SPOCK1: variants seen among roughly 807,000 people sequenced by gnomAD.
SPOCK1 encodes SPARC (osteonectin), cwcv and kazal like domains proteoglycan 1.
In SPOCK1, 23 loss-of-function variants were observed where a neutral mutation model predicts 55.3. The ratio of observed to expected loss-of-function variants is 0.42; its 90% CI spans 0.30 to 0.59. SPOCK1 has a LOEUF of 0.59. Among genes scored for constraint, SPOCK1 ranks in the 20% least tolerant of loss-of-function variants. The probability of loss-of-function intolerance (pLI) is 0.22; values close to 1 mark genes in which losing one functional copy is unlikely to be tolerated. For missense variants in SPOCK1, 499 were observed against 552.5 expected (o/e 0.90, Z 0.97); for synonymous variants, 226 against 221.0 (o/e 1.02, Z -0.20).
At chr5:137,015,978 C>T (rs1352798538) in intron 6 of SPOCK1, among the ~76,000 whole-genome samples, 6 of 152,244 alleles carry the variant, frequency 3.9e-5, no homozygotes, top group Middle Eastern at 3.4e-3. Flanking sequence ...AGAAATCATT[C>T]CATATTGTGG....
chr5:137,296,276 A>C (rs1479183234), intron 2 of SPOCK1, among the ~76,000 whole-genome samples: 1 of 152,190 alleles, frequency 6.6e-6, no homozygotes, highest in Non-Finnish European at 1.5e-5. Flanking sequence ...ACTAAGTCAG[A>C]AGCTGAGGAA....
At chr5:137,366,467 C>T (rs767549171) in intron 2 of SPOCK1, among the ~76,000 whole-genome samples, 2 of 152,124 alleles carry the variant, frequency 1.3e-5, no homozygotes, top group Non-Finnish European at 2.9e-5. Context: ...GACAAACTTG[C>T]CTGTGACCAC....
chr5:137,327,244 T>G (rs2127149675), intron 2 of SPOCK1, among the ~76,000 whole-genome samples: 1 of 152,314 alleles, frequency 6.6e-6, no homozygotes, highest in Non-Finnish European at 1.5e-5. Flanking sequence ...CCTAAAATGC[T>G]GCCTTCCCCA....
chr5:137,338,924 A>C (rs1750352140), intron 2 of SPOCK1, among the ~76,000 whole-genome samples: 1 of 152,188 alleles, frequency 6.6e-6, no homozygotes, highest in Non-Finnish European at 1.5e-5. Flanking sequence ...AGGAATGTGC[A>C]TCAAAGGGAC....
chr5:137,460,131 T>G (rs1286979155), intron 2 of SPOCK1, among the ~76,000 whole-genome samples: 1 of 152,180 alleles, frequency 6.6e-6, no homozygotes, highest in African/African-American at 2.4e-5. Flanking sequence ...AATTAGTTTT[T>G]AAAGCATCTG....
chr5:137,198,102 T>G (rs1382173960), intron 3 of SPOCK1, among the ~76,000 whole-genome samples: 1 of 152,246 alleles, frequency 6.6e-6, no homozygotes, highest in African/African-American at 2.4e-5. Context: ...TTTGTCATAT[T>G]CTGACCTTTT....
At chr5:136,984,340 G>A (rs1750797554) in intron 9 of SPOCK1, among the ~76,000 whole-genome samples, 1 of 152,096 alleles carries the variant, frequency 6.6e-6, no homozygotes, top group African/African-American at 2.4e-5. Context: ...CTTCTGAAAT[G>A]GCAGGCTGCT....
chr5:137,212,086 T>C (rs1755628789), intron 3 of SPOCK1, among the ~76,000 whole-genome samples: 1 of 152,216 alleles, frequency 6.6e-6, no homozygotes, highest in Non-Finnish European at 1.5e-5. Context: ...CTGGGGCTTA[T>C]GACTGGCATC....
chr5:137,251,717 T>C (rs766275360), intron 3 of SPOCK1, among the ~76,000 whole-genome samples: 3 of 152,208 alleles, frequency 2.0e-5, no homozygotes, highest in South Asian at 2.1e-4. Context: ...GATGCCTGCA[T>C]GAGAGAGCTC....
intron 3 of SPOCK1, among the ~76,000 whole-genome samples, chr5:137,199,190 G>C (rs1275917431): frequency 6.6e-6 from 1 of 152,174 alleles, no homozygotes; most frequent in African/African-American, 2.4e-5. Flanking sequence ...ACAGGGTGCT[G>C]CCACCTTATT....
chr5:137,132,064 A>G (rs1753896427), intron 4 of SPOCK1, among the ~76,000 whole-genome samples: 2 of 133,228 alleles, frequency 1.5e-5, no homozygotes, highest in Non-Finnish European at 1.6e-5. Context: ...AGTCCCAGCT[A>G]CTCAGGAGGC....
rs376100327 is a variant in SPOCK1 at position 137,222,470 on chromosome 5, C to A, written c.232+44540G>T. On this transcript the variant is annotated intron_variant, in intron 3 of 10. Coordinates refer to ENST00000394945, the MANE Select transcript of SPOCK1 (RefSeq NM_004598.4). ...TAATTATCTATAGGTTTAAATAAGA[C>A]CCTCAATTAAAGCATTACCTCTCCT... 6.6e-5 allele frequency among the ~76,000 whole-genome samples: 10 copies of A among 152,256 alleles called. No homozygotes were observed. In the East Asian group the frequency reaches 1.4e-3, roughly 21 times the overall value.
intron 2 of SPOCK1, among the ~76,000 whole-genome samples, chr5:137,471,183 G>C (rs1014618845): frequency 6.6e-6 from 1 of 152,326 alleles, no homozygotes; most frequent in South Asian, 2.1e-4. Flanking sequence ...GAGCCACATA[G>C]GGTGATCCTG....
At chr5:137,383,659 T>C (rs1014703456) in intron 2 of SPOCK1, among the ~76,000 whole-genome samples, 1 of 152,190 alleles carries the variant, frequency 6.6e-6, no homozygotes, top group Non-Finnish European at 1.5e-5. Flanking sequence ...GCCAAATAGA[T>C]GCAGCCACTG....
At chr5:137,288,855 C>A (rs1170301108) in intron 2 of SPOCK1, among the ~76,000 whole-genome samples, 1 of 152,206 alleles carries the variant, frequency 6.6e-6, no homozygotes, top group African/African-American at 2.4e-5. Flanking sequence ...TGATTTATTT[C>A]TGTGATGGAG....
chr5:137,098,504 TGCC>T (rs1319304294), intron 5 of SPOCK1, among the ~76,000 whole-genome samples: 1 of 152,186 alleles, frequency 6.6e-6, no homozygotes, highest in Non-Finnish European at 1.5e-5. Context: ...CCAAAGCAGG[TGCC>T]AGAAAAGTCT....
rs1446152439 is a variant in SPOCK1 at position 137,113,579 on chromosome 5, TCA to T, written c.348-1020_348-1019del. ...GGCAAGGTATTTAATGGTACAAATC[TCA>T]GTTTCTTCATTAGTAAAATGGAGGA... is the stretch of plus-strand genomic sequence containing the variant. On this transcript the variant is annotated intron_variant, in intron 4 of 10. Coordinates refer to ENST00000394945, the MANE Select transcript of SPOCK1 (RefSeq NM_004598.4). Among the ~76,000 whole-genome samples, 4 of 152,318 alleles carry T rather than the reference TCA, an allele frequency of 2.6e-5. No individual in the cohort carries two copies. The South Asian group carries it at 6.2e-4, about 24-fold the overall frequency.
intron 6 of SPOCK1, among the ~76,000 whole-genome samples, chr5:137,029,160 T>C (rs559842049): frequency 2.0e-5 from 3 of 152,310 alleles, no homozygotes; most frequent in African/African-American, 4.8e-5. Flanking sequence ...ATTTAACAAC[T>C]GTCCAGACTT....
intron 2 of SPOCK1, among the ~76,000 whole-genome samples, chr5:137,491,640 G>A (rs1184746769): frequency 6.6e-6 from 1 of 152,206 alleles, no homozygotes; most frequent in Non-Finnish European, 1.5e-5. Context: ...ATAGGAGTTA[G>A]ACTAAAAAAC....
Sources: gnomAD v4.1 joint callset for allele counts (sites outside exome capture counted in the v4.1 genomes callset) on GRCh38, gnomAD v4.1.1 for gene constraint, MANE v1.5 for transcripts, NCBI Gene and HGNC (gene_info 2026-07-23, HGNC 2026-07-21) for gene names.